The following AGBL1 variants were observed in gnomAD, a reference collection of about 807,000 sequenced individuals.
AGBL1 encodes the protein cytosolic carboxypeptidase 4.
Under a neutral mutation model 118.9 loss-of-function variants are expected in AGBL1, and 130 were observed. The ratio of observed to expected loss-of-function variants is 1.09; its 90% CI spans 0.95 to 1.26. AGBL1 has a LOEUF of 1.26. Among genes scored for constraint, AGBL1 ranks in the 50% most tolerant of loss-of-function variants. AGBL1 has a pLI of 0.00. For synonymous variants in AGBL1, 555 were observed against 478.9 expected (o/e 1.16, Z -2.08); for missense variants, 1,584 against 1,298.1 (o/e 1.22, Z -3.38).
chr15:86,631,731 C>A (rs1266680162), intron 21 of AGBL1, among the ~76,000 whole-genome samples: 1 of 152,154 alleles, frequency 6.6e-6, no homozygotes, highest in Non-Finnish European at 1.5e-5. Context: ...TTTAGGGTAG[C>A]TAGAGGGCCC....
intron 6 of AGBL1, among the ~76,000 whole-genome samples, chr15:86,226,031 T>C (rs1430462115): frequency 6.6e-6 from 1 of 152,004 alleles, no homozygotes; most frequent in Non-Finnish European, 1.5e-5. Flanking sequence ...TGAGATAACT[T>C]GAGATAACTT....
rs1658210847 is a variant in AGBL1, at chr15:86,913,181, T to C, written c.*5887T>C. On this transcript the variant is annotated 3_prime_UTR_variant, in exon 23 of 23. Coordinates refer to ENST00000614907, the MANE Select transcript of AGBL1 (RefSeq NM_001386094.1). ...AATGGAGCTGAAGCTGAGTTTGAGTTCCCCACCACACACACACATACACAC... is the reference window on the plus strand; with the variant it reads ...AATGGAGCTGAAGCTGAGTTTGAGTCCCCCACCACACACACACATACACAC... 7.2e-6 allele frequency: 1 copy of C among 138,226 alleles called. No individual in the cohort carries two copies. The highest frequency in any genetic ancestry group is 2.2e-4 in the South Asian group (1 of 4,448). 8.6% of individuals were successfully genotyped at this position (138,226 alleles called of 1,614,324 possible).
chr15:86,291,726 G>C (rs2079547880), intron 16 of AGBL1, among the ~76,000 whole-genome samples: 1 of 152,056 alleles, frequency 6.6e-6, no homozygotes, highest in African/African-American at 2.4e-5. Context: ...GCTTCCTTCA[G>C]ATTTCATGCT....
At chr15:86,091,379 T>A (rs1457335221) in intron 1 of AGBL1, among the ~76,000 whole-genome samples, 3 of 152,134 alleles carry the variant, frequency 2.0e-5, no homozygotes, top group Non-Finnish European at 4.4e-5. Context: ...CTCTTTGACC[T>A]CTCTATTCTG....
intron 7 of AGBL1, among the ~76,000 whole-genome samples, 196 bp downstream of exon 7, chr15:86,248,075 T>C (rs990651036): frequency 1.3e-5 from 2 of 152,318 alleles, no homozygotes; most frequent in East Asian, 1.9e-4. Flanking sequence ...CTCAGCACTT[T>C]GGGAGGCCGA....
At chr15:86,800,174 TA>T (rs1183130748) in intron 22 of AGBL1, among the ~76,000 whole-genome samples, 8 of 152,094 alleles carry the variant, frequency 5.3e-5, no homozygotes, top group African/African-American at 1.4e-4. Flanking sequence ...GATAGGATAT[TA>T]TTTTTTTTGT....
chr15:86,993,256 C>CCTTTTCTCCTTGTTTTCT (rs2081350388), intron 24 of AGBL1, among the ~76,000 whole-genome samples: 1 of 152,022 alleles, frequency 6.6e-6, no homozygotes, highest in South Asian at 2.1e-4. Flanking sequence ...TCCTTGTAAC[C>CCTTTTCTCCTTGTTTTCT]CCAGTTTATT....
intron 23 of AGBL1, among the ~76,000 whole-genome samples, chr15:86,984,456 G>T (rs778018939): frequency 6.7e-5 from 10 of 150,166 alleles, no homozygotes; most frequent in Non-Finnish European, 1.0e-4. Flanking sequence ...CCTCCGCCCC[G>T]CTGGGTTCGA....
At chr15:86,713,657 G>A (rs563799706) in intron 22 of AGBL1, among the ~76,000 whole-genome samples, 1 of 152,134 alleles carries the variant, frequency 6.6e-6, no homozygotes, top group East Asian at 1.9e-4. Context: ...TCTTCAAAGT[G>A]TTTCAGGTCA....
intron 17 of AGBL1, 24 bp from the exon 18 acceptor site, chr15:86,397,342 T>G: frequency 6.9e-7 from 1 of 1,439,888 alleles, no homozygotes. Context: ...TGGGTTTAAT[T>G]TTCTTATGTC....
chr15:86,932,273 C>A (rs2080615178), intron 23 of AGBL1, among the ~76,000 whole-genome samples: 1 of 152,152 alleles, frequency 6.6e-6, no homozygotes, highest in South Asian at 2.1e-4. Context: ...GAAGTAATTT[C>A]TAAACATGAT....
intron 22 of AGBL1, among the ~76,000 whole-genome samples, chr15:86,856,733 G>A (rs1433692104): frequency 1.3e-5 from 2 of 152,150 alleles, no homozygotes; most frequent in Non-Finnish European, 1.5e-5. Context: ...CCTGAGTAAC[G>A]CAATGACCAC....
chr15:86,478,007 A>G (rs190331787), intron 18 of AGBL1, among the ~76,000 whole-genome samples: 55 of 152,324 alleles, frequency 3.6e-4, no homozygotes, highest in African/African-American at 1.2e-3. Flanking sequence ...ATAGATGCAA[A>G]AAGGCCTTTG....
chr15:86,965,769 C>T (rs2141693717), intron 23 of AGBL1, among the ~76,000 whole-genome samples: 1 of 152,226 alleles, frequency 6.6e-6, no homozygotes, highest in South Asian at 2.1e-4. Context: ...AAACCAAACA[C>T]TGCATGTTGT....
chr15:86,763,049 C>A (rs2078048386), intron 22 of AGBL1, among the ~76,000 whole-genome samples: 1 of 151,980 alleles, frequency 6.6e-6, no homozygotes, highest in Non-Finnish European at 1.5e-5. Flanking sequence ...GGTTGAATAG[C>A]AGAAGATGTG....
At chr15:87,011,509 G>C (rs142253558) in intron 24 of AGBL1, among the ~76,000 whole-genome samples, 1 of 152,242 alleles carries the variant, frequency 6.6e-6, no homozygotes. Context: ...TGGTAATTCT[G>C]TATGTCACCA....
At chr15:86,674,465 T>A (rs763759832) in intron 22 of AGBL1, 29 bp downstream of exon 22, 1 of 1,586,094 alleles carries the variant, frequency 6.3e-7, no homozygotes, top group South Asian at 1.1e-5. Flanking sequence ...CTCAGAGAAA[T>A]TTGGACCTTG....
chr15:86,914,109 G>A lies in AGBL1; in HGVS notation c.*6815G>A, dbSNP rs976677295. On this transcript the variant is annotated 3_prime_UTR_variant, in exon 23 of 23. Coordinates refer to ENST00000614907, the MANE Select transcript of AGBL1 (RefSeq NM_001386094.1). Reference sequence around the variant, plus strand: ...GAAGGGCAGGGCAAGACATGGCATTGAGTTCAATTGTCTCTACTGGCTGTG... The same window carrying A: ...GAAGGGCAGGGCAAGACATGGCATTAAGTTCAATTGTCTCTACTGGCTGTG... The A allele has an allele frequency of 6.6e-6, 1 of 152,340 alleles. No individual in the cohort carries two copies. Among genetic ancestry groups the A allele is most frequent in the East Asian group, 1.9e-4 (1 of 5,172 alleles). The allele number at this position is 152,340 out of a possible 1,614,324, so 9.4% of individuals were successfully genotyped here. A position where few individuals can be genotyped will look rare whatever the true frequency, so the allele number is the denominator to read the frequency against.
At chr15:86,721,940 A>T (rs2086728368) in intron 22 of AGBL1, among the ~76,000 whole-genome samples, 1 of 152,176 alleles carries the variant, frequency 6.6e-6, no homozygotes, top group African/African-American at 2.4e-5. Flanking sequence ...CTAGGAATCC[A>T]ACTTACAAGG....
Sources: gnomAD v4.1 joint callset for allele counts (sites outside exome capture counted in the v4.1 genomes callset) on GRCh38, gnomAD v4.1.1 for gene constraint, MANE v1.5 for transcripts, NCBI Gene and HGNC (gene_info 2026-07-23, HGNC 2026-07-21) for gene names.